The following ZCCHC8 variants were observed in gnomAD, a reference collection of about 807,000 sequenced individuals.
ZCCHC8 encodes zinc finger CCHC-type containing 8.
A neutral mutation model predicts 70.6 loss-of-function variants in ZCCHC8; 27 were observed. The observed-to-expected ratio is 0.38, with a 90% CI of 0.28 to 0.53. ZCCHC8 has a LOEUF of 0.53. ZCCHC8 is among the 20% of genes least tolerant of loss of function. ZCCHC8 has a pLI of 0.81. For missense variants in ZCCHC8, 737 were observed against 876.9 expected (o/e 0.84, Z 2.01); for synonymous variants, 293 against 317.4 (o/e 0.92, Z 0.82).
Position 122,480,122 on chromosome 12 carries a change from T to C in ZCCHC8, c.1140+68A>G, listed in dbSNP as rs1957502796. The C allele has an allele frequency of 2.1e-6, 3 of 1,412,268 alleles. No individual in the cohort carries two copies. The South Asian group carries it at 3.8e-5, about 18-fold the overall frequency. 87.5% of individuals were successfully genotyped at this position (1,412,268 alleles called of 1,614,324 possible). ...CCACTATGCCTAGCCAACAAGTTAA[T>C]ATTTTGACCAATCTTTAACATAATA... On this transcript the variant is annotated intron_variant, in intron 11 of 13. Transcript: ENST00000633063.
intron 3 of ZCCHC8, chr12:122,491,122 G>C (rs1296019405): frequency 6.6e-6 from 1 of 152,484 alleles, no homozygotes; most frequent in Admixed American, 6.5e-5. Flanking sequence ...AGCCCTCCAG[G>C]TCAAGAACCA....
intron 11 of ZCCHC8, among the ~76,000 whole-genome samples, chr12:122,479,352 C>T (rs1957485336): frequency 6.6e-6 from 1 of 152,238 alleles, no homozygotes; most frequent in Admixed American, 6.5e-5. Flanking sequence ...GCTGGGATTA[C>T]AGGCACGGGC....
At chr12:122,476,356 G>T (rs1957417701) in intron 13 of ZCCHC8, among the ~76,000 whole-genome samples, 1 of 151,754 alleles carries the variant, frequency 6.6e-6, no homozygotes, top group South Asian at 2.1e-4. Context: ...ACATTGGGAG[G>T]CTGAGGCAGG....
At chr12:122,485,819 C>T (rs1957624869) in intron 5 of ZCCHC8, among the ~76,000 whole-genome samples, 4 of 152,094 alleles carry the variant, frequency 2.6e-5, no homozygotes, top group Non-Finnish European at 4.4e-5. Flanking sequence ...TACAGGCGCC[C>T]ACCACCACGC....
intron 5 of ZCCHC8, among the ~76,000 whole-genome samples, chr12:122,487,970 G>A (rs1957672791): frequency 1.3e-5 from 2 of 151,990 alleles, no homozygotes; most frequent in Non-Finnish European, 2.9e-5. Context: ...TTGACCTCAA[G>A]CAGTCCTCCC....
chr12:122,478,312 G>GAAAAAA lies in ZCCHC8; in HGVS notation c.1141-26_1141-21dup. 2 of 1,372,990 alleles carry GAAAAAA rather than the reference G, an allele frequency of 1.5e-6. No individual in the cohort carries two copies. Among genetic ancestry groups the GAAAAAA allele is most frequent in the Non-Finnish European group, 2.0e-6 (2 of 1,021,646 alleles). 85.1% of individuals were successfully genotyped at this position (1,372,990 alleles called of 1,614,324 possible). On this transcript the variant is annotated intron_variant, in intron 11 of 13. Transcript: ENST00000633063. ...CCATTCCTAATGATGAAAAGAGAAG[G>GAAAAAA]AAAAAAAAAACACATGTATTTGGAA... is the stretch of plus-strand genomic sequence containing the variant.
At position 122,500,833 on chromosome 12, in the gene ZCCHC8, G is replaced by C; in HGVS notation, c.8C>G (p.Ala3Gly). The change falls in exon 1 of 14, where the codon GCA becomes GGA. Residue 3 changes from alanine to glycine, a missense_variant. Ala to Gly is a moderately conservative substitution (Grantham distance 60). Coordinates refer to ENST00000633063, the MANE Select transcript of ZCCHC8 (RefSeq NM_017612.5). The surrounding 1 kb of genome is among the most constrained non-coding windows in gnomAD (Gnocchi z 4.8). ...CTCTAGATCGCCAAAATACACCTCTGCGGCCATTTTGGGCTGTGGAAAAGA... is the reference window on the plus strand; with the variant it reads ...CTCTAGATCGCCAAAATACACCTCTCCGGCCATTTTGGGCTGTGGAAAAGA... MA[A>G]EVYFGDLELF... is the part of the protein sequence containing the mutation. The C allele has an allele frequency of 6.4e-7, 1 of 1,570,190 alleles. No individual in the cohort carries two copies. The highest frequency in any genetic ancestry group is 8.6e-7 in the Non-Finnish European group (1 of 1,158,228).
chr12:122,478,434 G>A, intron 11 of ZCCHC8, 142 bp from the exon 12 acceptor site: 1 of 634,542 alleles, frequency 1.6e-6, no homozygotes, highest in East Asian at 2.8e-5. Flanking sequence ...TGGAAATTAA[G>A]GAAAATAATG....
At chr12:122,489,549 A>G in intron 4 of ZCCHC8, 86 bp from the exon 5 acceptor site, 2 of 1,221,952 alleles carry the variant, frequency 1.6e-6, no homozygotes, top group Non-Finnish European at 2.4e-6. Flanking sequence ...AAATTAAGCT[A>G]AGAATGTTTA....
At chr12:122,495,085 C>T (rs1274081737) in intron 2 of ZCCHC8, among the ~76,000 whole-genome samples, 1 of 152,066 alleles carries the variant, frequency 6.6e-6, no homozygotes, top group Non-Finnish European at 1.5e-5. Flanking sequence ...CTGAAATGTG[C>T]ATGGGATTAG....
At chr12:122,486,781 G>A (rs1046644312) in intron 5 of ZCCHC8, among the ~76,000 whole-genome samples, 10 of 152,112 alleles carry the variant, frequency 6.6e-5, no homozygotes, top group African/African-American at 1.2e-4. Context: ...CGTTGGCCAG[G>A]CTGGTCTCCA....
intron 5 of ZCCHC8, among the ~76,000 whole-genome samples, chr12:122,484,404 A>T: frequency 7.7e-6 from 1 of 129,958 alleles, no homozygotes. Context: ...GGCCTCACAT[A>T]TACTCTTTAA....
intron 2 of ZCCHC8, among the ~76,000 whole-genome samples, chr12:122,493,712 A>ACACCATTCTCCTGCCTCAGCTTCC (rs1354198419): frequency 1.3e-3 from 202 of 152,280 alleles, no homozygotes; most frequent in African/African-American, 3.9e-3. Context: ...TCCCAGGTTC[A>ACACCATTCTCCTGCCTCAGCTTCC]CACCATTCTC....
At chr12:122,494,077 G>A (rs1291993792) in intron 2 of ZCCHC8, among the ~76,000 whole-genome samples, 2 of 152,138 alleles carry the variant, frequency 1.3e-5, no homozygotes, top group Non-Finnish European at 2.9e-5. Context: ...TCCTGGATTT[G>A]ACTTTCAAAT....
chr12:122,500,753 G>T lies in ZCCHC8; in HGVS notation c.88C>A (p.Arg30Ser). 1 of 1,588,490 alleles carries T rather than the reference G, an allele frequency of 6.3e-7. No homozygotes were observed. The highest frequency in any genetic ancestry group is 1.1e-5 in the South Asian group (1 of 87,036). Residue 30 changes from arginine (R) to serine (S), a missense_variant, in exon 1 of 14, where the codon CGC (arginine) becomes AGC (serine). Transcript: ENST00000633063. The surrounding 1 kb of genome is among the most constrained non-coding windows in gnomAD (Gnocchi z 4.8). The stretch of plus-strand genomic sequence containing the variant: ...TCGTCGCCGTCGTCGTCCTTGAAGC[G>T]AGTGTGAACGGGCTTCGGAATCGAC... ...EESIPKPVHT[R>S]FKDDDGDEED... is the part of the protein sequence containing the mutation.
intron 13 of ZCCHC8, among the ~76,000 whole-genome samples, chr12:122,475,053 A>G (rs1957392851): frequency 1.4e-5 from 2 of 144,574 alleles, no homozygotes; most frequent in Non-Finnish European, 3.0e-5. Context: ...CAATTTCCCA[A>G]TTTTTTATTT....
At chr12:122,487,752 C>T (rs1456794083) in intron 5 of ZCCHC8, among the ~76,000 whole-genome samples, 3 of 152,164 alleles carry the variant, frequency 2.0e-5, no homozygotes, top group Non-Finnish European at 4.4e-5. Flanking sequence ...TGTAGAGATG[C>T]GACATCCTTT....
Position 122,483,104 on chromosome 12 carries a change from G to A in ZCCHC8, c.671+175C>T. 3.1e-6 allele frequency: 2 copies of A among 644,112 alleles called. No individual in the cohort carries two copies. Among genetic ancestry groups the A allele is most frequent in the South Asian group, 4.4e-5 (2 of 45,540 alleles). The allele number at this position is 644,112 out of a possible 1,614,324, so 39.9% of individuals were successfully genotyped here. A position where few individuals can be genotyped will look rare whatever the true frequency, so the allele number is the denominator to read the frequency against. ...TTAGGTGAGAACCAATGAATTCCAGGAAGCAGATGATTCATTTAAACATTT... is the reference window on the plus strand; with the variant it reads ...TTAGGTGAGAACCAATGAATTCCAGAAAGCAGATGATTCATTTAAACATTT... On this transcript the variant is annotated intron_variant, in intron 7 of 13. Transcript: ENST00000633063. This position sits in a 1 kb window ranked among gnomAD's most constrained non-coding sequence, Gnocchi z 4.4.
intron 4 of ZCCHC8, 102 bp from the exon 5 acceptor site, chr12:122,489,565 G>A (rs577553300): frequency 8.8e-6 from 9 of 1,024,170 alleles, no homozygotes; most frequent in Admixed American, 6.1e-5. Context: ...GTTTATGAAC[G>A]ACATTTCATG....
Sources: allele counts gnomAD v4.1 joint callset (sites outside exome capture counted in the v4.1 genomes callset), GRCh38; gene constraint gnomAD v4.1.1; non-coding constraint Gnocchi (gnomAD v3.1); transcripts MANE v1.5; gene names NCBI Gene and HGNC (gene_info 2026-07-23, HGNC 2026-07-21).